Variants in EBF2 observed in about 807,000 individuals in gnomAD.
EBF2 encodes transcription factor COE2.
EBF2 carries 21 observed loss-of-function variants against 72.8 expected under a neutral mutation model. The observed-to-expected ratio is 0.29, with a 90% CI of 0.20 to 0.42. The LOEUF is 0.42. Among genes scored for constraint, EBF2 ranks in the 10% least tolerant of loss-of-function variants. EBF2 has a pLI of 1.00. For synonymous variants in EBF2, 299 were observed against 274.2 expected (o/e 1.09, Z -0.89); for missense variants, 637 against 731.2 (o/e 0.87, Z 1.49).
chr8:25,884,862 C>T (rs1410432656), intron 10 of EBF2, among the ~76,000 whole-genome samples: 1 of 152,166 alleles, frequency 6.6e-6, no homozygotes, highest in Non-Finnish European at 1.5e-5. Flanking sequence ...TTTCCATCTA[C>T]TGCTAATTGA....
intron 6 of EBF2, among the ~76,000 whole-genome samples, chr8:26,021,736 A>G (rs192207338): frequency 1.0e-3 from 157 of 152,360 alleles, no homozygotes; most frequent in Non-Finnish European, 1.9e-3. Context: ...ATATTTAAGT[A>G]GCATCCTAGT....
chr8:25,934,311 T>C (rs1316297311), intron 6 of EBF2, among the ~76,000 whole-genome samples: 1 of 151,656 alleles, frequency 6.6e-6, no homozygotes, highest in Non-Finnish European at 1.5e-5. Context: ...TCTGAAAACA[T>C]AGGTCAGCAA....
intron 8 of EBF2, among the ~76,000 whole-genome samples, chr8:25,889,330 T>C (rs1468192898): frequency 1.3e-5 from 2 of 152,214 alleles, no homozygotes; most frequent in Non-Finnish European, 2.9e-5. Context: ...GATTTCTTCT[T>C]GTCCAAGCAA....
At chr8:25,851,375 G>T (rs1563374188) in intron 14 of EBF2, among the ~76,000 whole-genome samples, 1 of 139,658 alleles carries the variant, frequency 7.2e-6, no homozygotes, top group Non-Finnish European at 1.5e-5. Flanking sequence ...GCTGCAAGTC[G>T]GCCTCCCCTG....
rs765711417 is a variant in EBF2, at chr8:25,889,847, T to C, written c.656A>G (p.Asn219Ser). ...AACAGCCAGGACGTGTCCATCCACA[T>C]TCACCGTTGTTGACAACACAACCTG... ...RFQVVLSTTV[N>S]VDGHVLAVSD... Residue 219 changes from asparagine (N) to serine (S), a missense_variant, in exon 8 of 16, where the codon AAT (asparagine) becomes AGT (serine). Transcript: ENST00000520164. 5 of 1,613,872 alleles carry C rather than the reference T, an allele frequency of 3.1e-6. No individual in the cohort carries two copies. Among genetic ancestry groups the C allele is most frequent in the East Asian group, 2.2e-5 (1 of 44,860 alleles).
chr8:25,931,889 A>C (rs753167199), intron 6 of EBF2, among the ~76,000 whole-genome samples: 9 of 151,220 alleles, frequency 6.0e-5, no homozygotes, highest in Non-Finnish European at 1.0e-4. Context: ...CAATGAGCTT[A>C]TTATTAAATA....
At chr8:25,986,001 CAAAAAAAAAAAAA>C (rs59820523) in intron 6 of EBF2, among the ~76,000 whole-genome samples, 1 of 28,556 alleles carries the variant, frequency 3.5e-5, no homozygotes, top group Non-Finnish European at 5.5e-5. Context: ...AACTCTGTCT[CAAAAAAAAAAAAA>C]AAAAAAAAAA....
At chr8:26,042,752 C>G (rs1405614722) in intron 1 of EBF2, among the ~76,000 whole-genome samples, 1 of 152,162 alleles carries the variant, frequency 6.6e-6, no homozygotes, top group Non-Finnish European at 1.5e-5. Flanking sequence ...GTTATCAGTC[C>G]TGGACCCACT....
chr8:25,858,903 C>G (rs936561254), intron 13 of EBF2, among the ~76,000 whole-genome samples: 2 of 152,056 alleles, frequency 1.3e-5, no homozygotes, highest in African/African-American at 2.4e-5. Context: ...CCATGATCCA[C>G]CAGCCTCAGC....
At chr8:25,907,993 T>A (rs1585191307) in intron 7 of EBF2, among the ~76,000 whole-genome samples, 1 of 152,096 alleles carries the variant, frequency 6.6e-6, no homozygotes, top group African/African-American at 2.4e-5. Context: ...GTCCCGTGGG[T>A]CTTGTTGTCA....
At chr8:25,861,274 A>G in intron 12 of EBF2, 35 bp downstream of exon 12, 1 of 1,614,020 alleles carries the variant, frequency 6.2e-7, no homozygotes, top group South Asian at 1.1e-5. Flanking sequence ...CATAAAGTGC[A>G]AAACTCAATA....
intron 7 of EBF2, among the ~76,000 whole-genome samples, chr8:25,902,800 G>T (rs1052780457): frequency 3.3e-5 from 5 of 152,192 alleles, no homozygotes; most frequent in Non-Finnish European, 5.9e-5. Flanking sequence ...TTCAGCTGTA[G>T]CCTTAAAGCA....
intron 6 of EBF2, among the ~76,000 whole-genome samples, chr8:26,021,936 G>A (rs1209318366): frequency 2.0e-5 from 3 of 152,328 alleles, no homozygotes; most frequent in Admixed American, 2.0e-4. Context: ...TATTTCCTAT[G>A]TGTATCTTCT....
chr8:25,931,901 AT>A (rs150860038), intron 6 of EBF2, among the ~76,000 whole-genome samples: 6,019 of 152,220 alleles, frequency 0.04, 451 homozygotes, highest in African/African-American at 0.14. Flanking sequence ...TATTAAATAT[AT>A]TTTTTTCATG....
intron 6 of EBF2, among the ~76,000 whole-genome samples, chr8:25,979,756 T>C (rs1804328207): frequency 1.3e-5 from 2 of 152,174 alleles, no homozygotes; most frequent in South Asian, 4.1e-4. Flanking sequence ...GGTTCGTCTC[T>C]TTTTATTATA....
At chr8:25,916,805 T>G (rs1803225669) in intron 6 of EBF2, among the ~76,000 whole-genome samples, 1 of 152,164 alleles carries the variant, frequency 6.6e-6, no homozygotes, top group African/African-American at 2.4e-5. Context: ...GGCTTCTGAC[T>G]GGCAACAGGC....
At chr8:26,022,668 G>A (rs1337567168) in intron 6 of EBF2, among the ~76,000 whole-genome samples, 1 of 152,106 alleles carries the variant, frequency 6.6e-6, no homozygotes, top group African/African-American at 2.4e-5. Context: ...TTGTTAAATG[G>A]GGGCAGCTGC....
chr8:26,037,112 T>A (rs1192783272), intron 5 of EBF2, among the ~76,000 whole-genome samples: 2 of 152,184 alleles, frequency 1.3e-5, no homozygotes, highest in Non-Finnish European at 2.9e-5. Flanking sequence ...TGAAACACTC[T>A]CAATTTATTC....
intron 6 of EBF2, among the ~76,000 whole-genome samples, chr8:25,986,488 C>T (rs1804459167): frequency 1.3e-5 from 2 of 152,178 alleles, no homozygotes; most frequent in Admixed American, 1.3e-4. Context: ...CACCACGGCA[C>T]CAAACTCACC....
Sources: allele counts gnomAD v4.1 joint callset (sites outside exome capture counted in the v4.1 genomes callset), GRCh38; gene constraint gnomAD v4.1.1; transcripts MANE v1.5; gene names NCBI Gene and HGNC (gene_info 2026-07-23, HGNC 2026-07-21).